The following PTPRK variants were observed in gnomAD, a reference collection of about 807,000 sequenced individuals.
PTPRK encodes protein tyrosine phosphatase receptor type K, also known as receptor-type tyrosine-protein phosphatase kappa.
In PTPRK, 75 loss-of-function variants were observed where a neutral mutation model predicts 178.0. The observed-to-expected ratio is 0.42, with a 90% CI of 0.35 to 0.51. PTPRK has a LOEUF of 0.51. PTPRK is among the 20% of genes least tolerant of loss of function. The probability of loss-of-function intolerance (pLI) is 0.02; values close to 1 mark genes in which losing one functional copy is unlikely to be tolerated. For synonymous variants in PTPRK, 637 were observed against 620.6 expected (o/e 1.03, Z -0.39); for missense variants, 1,441 against 1,797.8 (o/e 0.80, Z 3.59).
chr6:128,332,565 C>A (rs1243200416), intron 2 of PTPRK, among the ~76,000 whole-genome samples: 1 of 152,194 alleles, frequency 6.6e-6, no homozygotes, highest in South Asian at 2.1e-4. Context: ...CCTTCTTCCA[C>A]CAAACAGTAA....
intron 3 of PTPRK, among the ~76,000 whole-genome samples, chr6:128,262,403 T>A (rs1042743686): frequency 1.3e-5 from 2 of 152,160 alleles, no homozygotes; most frequent in African/African-American, 4.8e-5. Flanking sequence ...CAATATCTGT[T>A]ATCTTATCCT....
At position 128,009,253 on chromosome 6, in the gene PTPRK, TCTTCTGTTGCTG is replaced by T; in HGVS notation, c.2198_2209del (p.Ala733_Glu736del). 1 of 1,607,762 alleles carries T rather than the reference TCTTCTGTTGCTG, an allele frequency of 6.2e-7. No individual in the cohort carries two copies. Among genetic ancestry groups the T allele is most frequent in the Non-Finnish European group, 8.5e-7 (1 of 1,176,310 alleles). On this transcript the variant is annotated inframe_deletion, in exon 14 of 30. Transcript: ENST00000368226. ...GGCGGGATCTGGGATCACTTCTGGT[TCTTCTGTTGCTG>T]CTGCTAAATGGATAAAAAAAAAAAT...
chr6:128,080,062 G>T (rs113809064), intron 10 of PTPRK, among the ~76,000 whole-genome samples: 5,206 of 148,348 alleles, frequency 0.035, 157 homozygotes, highest in Middle Eastern at 0.094. Flanking sequence ...GCAGTGGGGG[G>T]ATGAAACCAG....
At chr6:128,491,680 C>T (rs1853792908) in intron 1 of PTPRK, 3 of 458,460 alleles carry the variant, frequency 6.5e-6, no homozygotes, top group South Asian at 3.1e-5. Flanking sequence ...AAATCTGCCA[C>T]TAAAACAAAC....
At chr6:128,363,367 G>A (rs913656870) in intron 2 of PTPRK, among the ~76,000 whole-genome samples, 9 of 152,114 alleles carry the variant, frequency 5.9e-5, no homozygotes, top group African/African-American at 2.2e-4. Flanking sequence ...GTTTGTGGGT[G>A]ACTACACAGT....
At chr6:128,270,788 A>G (rs1819684036) in intron 3 of PTPRK, among the ~76,000 whole-genome samples, 1 of 152,136 alleles carries the variant, frequency 6.6e-6, no homozygotes, top group Admixed American at 6.6e-5. Flanking sequence ...TTTATTTCTC[A>G]GCCAAAACCA....
At chr6:128,516,358 G>C (rs1228773225) in intron 1 of PTPRK, among the ~76,000 whole-genome samples, 1 of 151,854 alleles carries the variant, frequency 6.6e-6, no homozygotes, top group South Asian at 2.1e-4. Flanking sequence ...TCACGACCTA[G>C]GAAAATCAAG....
intron 2 of PTPRK, among the ~76,000 whole-genome samples, chr6:128,396,566 T>C (rs1302819178): frequency 6.6e-6 from 1 of 152,116 alleles, no homozygotes; most frequent in Non-Finnish European, 1.5e-5. Flanking sequence ...TCCAATATTG[T>C]ATGAAATGGT....
At chr6:128,083,617 C>T (rs1220502388) in intron 9 of PTPRK, 98 bp downstream of exon 9, 1 of 565,476 alleles carries the variant, frequency 1.8e-6, no homozygotes, top group African/African-American at 1.9e-5. Flanking sequence ...CCCTAATCCT[C>T]ATTTACGTCT....
At chr6:128,489,194 C>A (rs1452353415) in intron 1 of PTPRK, among the ~76,000 whole-genome samples, 1 of 151,956 alleles carries the variant, frequency 6.6e-6, no homozygotes, top group Non-Finnish European at 1.5e-5. Context: ...AGGAGTGCAC[C>A]TTCAGGTATT....
chr6:128,377,402 A>G (rs984725591), intron 2 of PTPRK, among the ~76,000 whole-genome samples: 11 of 152,190 alleles, frequency 7.2e-5, no homozygotes, highest in Admixed American at 5.9e-4. Flanking sequence ...ACACGAGAAT[A>G]GCATGGGAAA....
intron 1 of PTPRK, among the ~76,000 whole-genome samples, chr6:128,487,748 G>A (rs1438112665): frequency 6.6e-6 from 1 of 152,150 alleles, no homozygotes; most frequent in Non-Finnish European, 1.5e-5. Flanking sequence ...CTTCATTTCA[G>A]AAGACTCCCA....
Position 128,205,476 on chromosome 6 carries a change from G to A in PTPRK, c.868+13446C>T, listed in dbSNP as rs186040863. Among the ~76,000 whole-genome samples the A allele has an allele frequency of 9.2e-5, 14 of 152,136 alleles. No individual in the cohort carries two copies. In the South Asian group the frequency reaches 2.3e-3, roughly 25 times the overall value. On this transcript the variant is annotated intron_variant, in intron 6 of 29. Coordinates refer to ENST00000368226, the MANE Select transcript of PTPRK (RefSeq NM_002844.4). ...AAGAAATTTCAAGAAAAGGCCAGGC[G>A]TGGTGGCTCACGCCTATAATCCCAG... is the stretch of plus-strand genomic sequence containing the variant.
intron 7 of PTPRK, among the ~76,000 whole-genome samples, chr6:128,144,014 T>C (rs797016971): frequency 1.5e-4 from 23 of 152,186 alleles, no homozygotes; most frequent in African/African-American, 5.1e-4. Context: ...TTATATCTCC[T>C]CTCTTAATTA....
chr6:128,253,106 CATA>C (rs1231117992), intron 3 of PTPRK, among the ~76,000 whole-genome samples: 1 of 152,084 alleles, frequency 6.6e-6, no homozygotes, highest in East Asian at 1.9e-4. Flanking sequence ...ACAGGCAGAG[CATA>C]ATAATACATC....
Position 128,332,545 on chromosome 6 carries a change from C to T in PTPRK, c.224-10235G>A, listed in dbSNP as rs538166706. ...GGTCTTCAATACTTGTTCCTTTAGA[C>T]GTACTCATTCCTTCTTCCACCAAAC... is the stretch of plus-strand genomic sequence containing the variant. On this transcript the variant is annotated intron_variant, in intron 2 of 29. Coordinates refer to ENST00000368226, the MANE Select transcript of PTPRK (RefSeq NM_002844.4). 1.7e-4 allele frequency among the ~76,000 whole-genome samples: 26 copies of T among 152,292 alleles called. No individual in the cohort carries two copies. The South Asian group carries it at 4.1e-3, about 24-fold the overall frequency.
rs758998288 is a variant in PTPRK, at chr6:127,985,866, T to C, written c.3106A>G (p.Asn1036Asp). The change falls in exon 22 of 30, where the codon AAT becomes GAT. Residue 1036 changes from asparagine (N) to aspartate (D), a missense_variant. Asn to Asp is a conservative substitution (Grantham distance 23). This residue lies in a region of PTPRK where 945 missense variants were observed against 1,080.6 expected (regional missense o/e 0.87). Coordinates refer to ENST00000368226, the MANE Select transcript of PTPRK (RefSeq NM_002844.4). ...AACTGTTTAACTTCACGGATTTCATTGTACCCCCTCTGTGCAAAGATGGAA... is the reference window on the plus strand; with the variant it reads ...AACTGTTTAACTTCACGGATTTCATCGTACCCCCTCTGTGCAAAGATGGAA... ...RTFTLERRGY[N>D]EIREVKQFHF... 6.2e-7 allele frequency: 1 copy of C among 1,611,740 alleles called. No individual in the cohort carries two copies. Among genetic ancestry groups the C allele is most frequent in the Non-Finnish European group, 8.5e-7 (1 of 1,178,058 alleles).
At chr6:128,435,111 AG>A (rs1845409830) in intron 1 of PTPRK, among the ~76,000 whole-genome samples, 7 of 72,070 alleles carry the variant, frequency 9.7e-5, no homozygotes, top group Admixed American at 7.8e-4. Flanking sequence ...GAAGGAAGGC[AG>A]GAAGGCAGGC....
At chr6:128,275,139 T>C (rs1820520225) in intron 3 of PTPRK, among the ~76,000 whole-genome samples, 1 of 152,086 alleles carries the variant, frequency 6.6e-6, no homozygotes, top group South Asian at 2.1e-4. Context: ...ACACTTATGA[T>C]ATAGGTATCA....
Sources: gnomAD v4.1 joint callset for allele counts (sites outside exome capture counted in the v4.1 genomes callset) on GRCh38, gnomAD v4.1.1 for gene constraint, gnomAD v4.1.1 regional missense constraint, MANE v1.5 for transcripts, NCBI Gene and HGNC (gene_info 2026-07-23, HGNC 2026-07-21) for gene names.